USP25: variants seen among roughly 807,000 people sequenced by gnomAD.
USP25 encodes ubiquitin specific peptidase 25, also known as ubiquitin carboxyl-terminal hydrolase 25.
In USP25, 85 loss-of-function variants were observed where a neutral mutation model predicts 158.5. The observed-to-expected ratio is 0.54, with a 90% CI of 0.45 to 0.64. The LOEUF (loss-of-function observed/expected upper bound fraction) is 0.64. Among genes scored for constraint, USP25 ranks in the 30% least tolerant of loss-of-function variants. The pLI, the probability that USP25 is intolerant of heterozygous loss-of-function variation, is 0.00. For missense variants in USP25, 1,242 were observed against 1,327.3 expected (o/e 0.94, Z 1.00); for synonymous variants, 464 against 460.4 (o/e 1.01, Z -0.10).
chr21:15,877,473 A>G (rs184465376), intron 24 of USP25: 91 of 183,384 alleles, frequency 5.0e-4, no homozygotes, highest in Admixed American at 3.2e-3. Flanking sequence ...TGCTTATACA[A>G]TTTTATAATT....
At chr21:15,784,008 C>G (rs1201666220) in intron 4 of USP25, among the ~76,000 whole-genome samples, 1 of 151,902 alleles carries the variant, frequency 6.6e-6, no homozygotes, top group Non-Finnish European at 1.5e-5. Context: ...AGAGACGTTT[C>G]CAGACAAGCA....
chr21:15,865,762 A>G (rs2039628962), intron 21 of USP25, among the ~76,000 whole-genome samples: 1 of 152,160 alleles, frequency 6.6e-6, no homozygotes, highest in Admixed American at 6.5e-5. Context: ...TGCTTGAAAG[A>G]CAGAGTTATG....
At chr21:15,786,061 T>A (rs549961393) in intron 4 of USP25, among the ~76,000 whole-genome samples, 1 of 152,138 alleles carries the variant, frequency 6.6e-6, no homozygotes, top group African/African-American at 2.4e-5. Flanking sequence ...AATGGATAAA[T>A]TCTTGAACAC....
At chr21:15,753,572 G>A (rs1277541184) in intron 1 of USP25, among the ~76,000 whole-genome samples, 1 of 152,150 alleles carries the variant, frequency 6.6e-6, no homozygotes, top group Non-Finnish European at 1.5e-5. Context: ...TGGAATGTAG[G>A]AGTGTAGAAA....
rs60616271 is a variant in USP25 at position 15,740,641 on chromosome 21, GTTTTTTTTTTTTTTTT to G, written c.45+10221_45+10236del. ...GTAATCTTCCTGTTTCTTTCTGGCT[GTTTTTTTTTTTTTTTT>G]TTTTTTTTTTTTTTTTTGGTATGTG... On this transcript the variant is annotated intron_variant, in intron 1 of 25. Transcript: ENST00000400183. Among the ~76,000 whole-genome samples, 13 of 41,302 alleles carry G rather than the reference GTTTTTTTTTTTTTTTT, an allele frequency of 3.1e-4. No homozygotes were observed. In the East Asian group the frequency reaches 0.013, roughly 41 times the overall value. The allele number at this position is 41,302 out of a possible 152,430, so 27.1% of individuals were successfully genotyped here.
At chr21:15,839,323 G>A (rs1383753600) in intron 17 of USP25, among the ~76,000 whole-genome samples, 3 of 152,080 alleles carry the variant, frequency 2.0e-5, no homozygotes, top group African/African-American at 7.2e-5. Context: ...ACTAGTGATG[G>A]GGTTTTTAAT....
At chr21:15,846,924 G>A (rs1222663563) in intron 18 of USP25, among the ~76,000 whole-genome samples, 1 of 151,770 alleles carries the variant, frequency 6.6e-6, no homozygotes, top group Non-Finnish European at 1.5e-5. Context: ...CATAGAATTT[G>A]TTAACAATAA....
In USP25 at chr21:15,877,991, C is replaced by T. The variant is rs1437709862; in HGVS notation, c.3205C>T (p.Pro1069Ser). The change falls in exon 25 of 26, where the codon CCA becomes TCA. Residue 1069 changes from proline to serine, a missense_variant and splice_region_variant. Around this residue, in one of 3 missense-constraint regions of USP25, gnomAD observed 608 missense variants for 605.2 expected, o/e 1.00. Coordinates refer to ENST00000400183, the MANE Select transcript of USP25 (RefSeq NM_001283041.3). The part of the protein sequence containing the change: ...WCSYLGQEME[P>S]HLQEKLTDFL... ...TTCCTACCTTGGTCAAGAAATGGAA[C>T]GTAAGTTTAAACAATGGTAGTAGGC... The T allele has an allele frequency of 5.0e-6, 8 of 1,605,868 alleles. No individual in the cohort carries two copies. The highest frequency in any genetic ancestry group is 2.2e-5 in the South Asian group (2 of 90,024).
Position 15,830,567 on chromosome 21 carries a change from T to C in USP25, c.1730T>C (p.Ile577Thr), listed in dbSNP as rs1444737281. The C allele has an allele frequency of 6.2e-7, 1 of 1,605,130 alleles. No individual in the cohort carries two copies. Among genetic ancestry groups the C allele is most frequent in the East Asian group, 2.2e-5 (1 of 44,536 alleles). ...AGCATATCCAGAATCCATCGAACAATTGAATTAATGTACTCTGACAAATCT... is the reference window on the plus strand; with the variant it reads ...AGCATATCCAGAATCCATCGAACAACTGAATTAATGTACTCTGACAAATCT... ...QESISRIHRTIELMYSDKSMI... is the reference protein window; with the variant it reads ...QESISRIHRTTELMYSDKSMI... The change falls in exon 15 of 26, where the codon ATT becomes ACT. Residue 577 changes from isoleucine to threonine, a missense_variant. Physicochemically the swap from Ile to Thr is moderately conservative, Grantham distance 89. Transcript: ENST00000400183.
intron 1 of USP25, among the ~76,000 whole-genome samples, chr21:15,740,658 T>G (rs1002334540): frequency 5.3e-5 from 7 of 131,980 alleles, no homozygotes; most frequent in South Asian, 2.3e-4. Flanking sequence ...TTTTTTTTTT[T>G]TTTTTTTTTT....
chr21:15,787,660 T>C lies in USP25; in HGVS notation c.393-3842T>C, dbSNP rs561375305. Among the ~76,000 whole-genome samples the C allele has an allele frequency of 9.2e-5, 14 of 152,224 alleles. No homozygotes were observed. The East Asian group carries it at 2.7e-3, about 29-fold the overall frequency. The stretch of plus-strand genomic sequence containing the variant: ...ATTTATGGGTTTAGTTTGATCCCAA[T>C]TAAAAATACCGTTAGTTTTGTTTTT... On this transcript the variant is annotated intron_variant, in intron 4 of 25. Transcript: ENST00000400183.
intron 15 of USP25, 102 bp from the exon 16 acceptor site, chr21:15,831,299 C>G: frequency 9.6e-7 from 1 of 1,045,976 alleles, no homozygotes; most frequent in Non-Finnish European, 1.4e-6. Flanking sequence ...AAAAAAAATG[C>G]TCTTATGGTT....
intron 3 of USP25, among the ~76,000 whole-genome samples, chr21:15,771,575 G>GC (rs1382962270): frequency 1.3e-5 from 2 of 152,114 alleles, no homozygotes; most frequent in Non-Finnish European, 1.5e-5. Flanking sequence ...GGTAGGAATG[G>GC]CAGTATTCTC....
intron 5 of USP25, among the ~76,000 whole-genome samples, chr21:15,792,442 A>G (rs1048334647): frequency 2.0e-5 from 3 of 151,650 alleles, no homozygotes; most frequent in African/African-American, 7.2e-5. Context: ...AAAGTTAACT[A>G]ATGTTTTGTG....
At chr21:15,746,186 T>C (rs1233825384) in intron 1 of USP25, among the ~76,000 whole-genome samples, 1 of 152,198 alleles carries the variant, frequency 6.6e-6, no homozygotes, top group Non-Finnish European at 1.5e-5. Flanking sequence ...TGTATTTCCA[T>C]ATACAATTCT....
intron 6 of USP25, among the ~76,000 whole-genome samples, chr21:15,800,533 A>C (rs1006697431): frequency 6.7e-6 from 1 of 149,360 alleles, no homozygotes; most frequent in African/African-American, 2.4e-5. Context: ...CAATAAAAAA[A>C]ATTAAAAAAA....
intron 18 of USP25, among the ~76,000 whole-genome samples, chr21:15,844,210 G>A (rs1358626438): frequency 2.6e-5 from 4 of 152,104 alleles, no homozygotes; most frequent in African/African-American, 9.7e-5. Context: ...ACAGTCAGTT[G>A]CTTAGCGTCA....
chr21:15,771,358 G>T (rs887073431), intron 3 of USP25, among the ~76,000 whole-genome samples: 52 of 151,828 alleles, frequency 3.4e-4, no homozygotes, highest in African/African-American at 1.2e-3. Flanking sequence ...AAGTGATGGG[G>T]GTGTGCTTGT....
intron 4 of USP25, 40 bp from the exon 5 acceptor site, chr21:15,791,462 C>A (rs1468133106): frequency 3.2e-6 from 5 of 1,566,112 alleles, no homozygotes; most frequent in Admixed American, 3.8e-5. Context: ...GGGATATATA[C>A]CATTATATAA....
Sources: allele counts gnomAD v4.1 joint callset (sites outside exome capture counted in the v4.1 genomes callset), GRCh38; gene constraint gnomAD v4.1.1; regional missense constraint gnomAD v4.1.1; transcripts MANE v1.5; gene names NCBI Gene and HGNC (gene_info 2026-07-23, HGNC 2026-07-21).